The following NDUFB8 variants were observed in gnomAD, a reference collection of about 807,000 sequenced individuals.
NDUFB8 encodes NADH:ubiquinone oxidoreductase subunit B8, also known as NADH dehydrogenase [ubiquinone] 1 beta subcomplex subunit 8, mitochondrial.
A neutral mutation model predicts 26.0 loss-of-function variants in NDUFB8; 17 were observed. The observed-to-expected ratio is 0.65, with a 90% CI of 0.45 to 0.98. The LOEUF is 0.98. Among genes scored for constraint, NDUFB8 ranks in the 50% least tolerant of loss-of-function variants. The pLI is 0.00. For missense variants in NDUFB8, 238 were observed against 255.0 expected, an observed-to-expected ratio of 0.93 and a Z score of 0.45; for synonymous variants, 89 against 93.1, an observed-to-expected ratio of 0.96 and a Z score of 0.25.
intron 2 of NDUFB8, among the ~76,000 whole-genome samples, chr10:100,528,641 G>A (rs999213956): frequency 6.6e-6 from 1 of 152,194 alleles, no homozygotes; most frequent in Non-Finnish European, 1.5e-5. Context: ...GAACAAGGCT[G>A]CTCTTGTCCA....
upstream of NDUFB8, chr10:100,529,891 G>C (rs1239183047): frequency 6.3e-7 from 1 of 1,597,342 alleles, no homozygotes; most frequent in Non-Finnish European, 8.5e-7. Flanking sequence ...CATGCGCAAA[G>C]GCCTGTCACG....
Position 100,527,015 on chromosome 10 carries a change from C to G in NDUFB8, c.272G>C (p.Ser91Thr). Residue 91 changes from serine (S) to threonine (T), a missense_variant, in exon 3 of 5, where the codon AGC becomes ACC. By Grantham distance (58) the Ser-to-Thr change is moderately conservative. Transcript: ENST00000299166. ...RSQHERDPWY[S>T]WDQPGLRLNW... ...CAACCTCAGGCCCGGCTGGTCCCAG[C>G]TATACCATGGATCTCTCTCATGCTG... The G allele has an allele frequency of 6.2e-7, 1 of 1,614,180 alleles. No individual in the cohort carries two copies. Among genetic ancestry groups the G allele is most frequent in the East Asian group, 2.2e-5 (1 of 44,888 alleles).
rs375681068 is a variant in NDUFB8, at chr10:100,527,046, G to A, written c.241C>T (p.Arg81Cys). Residue 81 changes from arginine (R) to cysteine (C), a missense_variant, in exon 3 of 5, where the codon CGC (arginine) becomes TGC (cysteine). Coordinates refer to ENST00000299166, the MANE Select transcript of NDUFB8 (RefSeq NM_005004.4). ...CATGGATCTCTCTCATGCTGTGAGC[G>A]GTCAGGGAGCTTCGGGTAGTCGCCA... ...GYGDYPKLPDRSQHERDPWYS... is the reference protein window; with the variant it reads ...GYGDYPKLPDCSQHERDPWYS... The A allele has an allele frequency of 6.3e-5, 101 of 1,614,000 alleles. No homozygotes were observed. Among genetic ancestry groups the A allele is most frequent in the Middle Eastern group, 3.3e-4 (2 of 6,080 alleles).
chr10:100,526,016 G>C (rs1288832647), intron 4 of NDUFB8: 1 of 174,648 alleles, frequency 5.7e-6, no homozygotes, highest in African/African-American at 2.4e-5. Flanking sequence ...ATATACTACA[G>C]GACGTGCCCT....
intron 2 of NDUFB8, among the ~76,000 whole-genome samples, chr10:100,528,098 G>A (rs1267928135): frequency 2.0e-5 from 3 of 152,204 alleles, no homozygotes; most frequent in South Asian, 2.1e-4. Context: ...GATTACAGGC[G>A]TGAGCCACTG....
intron 4 of NDUFB8, among the ~76,000 whole-genome samples, chr10:100,525,874 C>T (rs779642011): frequency 1.1e-4 from 17 of 152,052 alleles, no homozygotes; most frequent in South Asian, 4.1e-4. Flanking sequence ...TATATCTGTT[C>T]AAATGTTGCT....
chr10:100,524,192 AAGGGAGGAAGAC>A lies in NDUFB8; in HGVS notation c.469-275_469-264del. On this transcript the variant is annotated intron_variant, in intron 4 of 4. Coordinates refer to ENST00000299166, the MANE Select transcript of NDUFB8 (RefSeq NM_005004.4). The surrounding 1 kb of genome is among the most constrained non-coding windows in gnomAD (Gnocchi z 4.0). ...GGAAGGGGGTTAGGGAAAGGAGGGG[AAGGGAGGAAGAC>A]AGGGAGGGAGGTAAAGAAAGAGAGA... The A allele has an allele frequency of 6.9e-7, 1 of 1,453,510 alleles. No homozygotes were observed. Among genetic ancestry groups the A allele is most frequent in the Non-Finnish European group, 9.5e-7 (1 of 1,055,996 alleles). The allele number at this position is 1,453,510 out of a possible 1,614,324, so 90.0% of individuals were successfully genotyped here. A position where few individuals can be genotyped will look rare whatever the true frequency, so the allele number is the denominator to read the frequency against.
chr10:100,528,704 T>C (rs1852092857), intron 2 of NDUFB8, among the ~76,000 whole-genome samples: 1 of 151,976 alleles, frequency 6.6e-6, no homozygotes, highest in Non-Finnish European at 1.5e-5. Context: ...CTACAGAAAA[T>C]GAGTGTATAA....
In NDUFB8 at chr10:100,523,897, GTACAGA is replaced by G; in HGVS notation, c.495_500del (p.Tyr167_Leu168del). 2 of 1,614,118 alleles carry G rather than the reference GTACAGA, an allele frequency of 1.2e-6. No homozygotes were observed. Among genetic ancestry groups the G allele is most frequent in the Non-Finnish European group, 8.5e-7 (1 of 1,180,022 alleles). On this transcript the variant is annotated inframe_deletion, in exon 5 of 5. Coordinates refer to ENST00000299166, the MANE Select transcript of NDUFB8 (RefSeq NM_005004.4). ...TGGAGGGATCACCGCCTCGTTCCAG[GTACAGA>G]TTATTGTAAGGATACTGCTTTGGTC...
At chr10:100,525,615 CGTGTGTGTGT>C (rs56705301) in intron 4 of NDUFB8, among the ~76,000 whole-genome samples, 9,751 of 100,040 alleles carry the variant, frequency 0.097, 696 homozygotes, top group African/African-American at 0.13. Context: ...CCACCCAAAG[CGTGTGTGTGT>C]GTGTGTGTGT....
intron 4 of NDUFB8, 144 bp downstream of exon 4, chr10:100,526,255 G>T: frequency 1.1e-6 from 1 of 929,414 alleles, no homozygotes; most frequent in Non-Finnish European, 1.5e-6. Context: ...CAGGCCAATG[G>T]GTCAAGGCCC....
At chr10:100,529,701 C>T (rs1275295116) in intron 1 of NDUFB8, 66 bp downstream of exon 1, 3 of 1,570,916 alleles carry the variant, frequency 1.9e-6, no homozygotes, top group Non-Finnish European at 2.6e-6. Context: ...CTACGATCCC[C>T]CCTCCCGATA....
rs1852113353 is a variant in NDUFB8 at position 100,529,514 on chromosome 10, G to T, written c.86-8C>A. The stretch of plus-strand genomic sequence containing the variant: ...CCTTGGTCATGTGGGAGGCTAGAAC[G>T]CAGAAGAGAACAGGTCAGAAGCGAG... On this transcript the variant is annotated splice_region_variant and splice_polypyrimidine_tract_variant and intron_variant, in intron 1 of 4. Coordinates refer to ENST00000299166, the MANE Select transcript of NDUFB8 (RefSeq NM_005004.4). The T allele has an allele frequency of 1.2e-6, 2 of 1,611,866 alleles. No individual in the cohort carries two copies. The highest frequency in any genetic ancestry group is 1.1e-5 in the South Asian group (1 of 90,928).
rs77403524 is a variant in NDUFB8 at position 100,525,125 on chromosome 10, G to A, written c.469-1196C>T. Among the ~76,000 whole-genome samples the A allele has an allele frequency of 3.8e-3, 571 of 152,238 alleles. 2 individuals carry two copies. Among genetic ancestry groups the A allele is most frequent in the African/African-American group, 0.012 (492 of 41,542 alleles). On this transcript the variant is annotated intron_variant, in intron 4 of 4. Transcript: ENST00000299166. ...CCCTACTGTGATGCTACTGAATTAG[G>A]AGCACCAAGAAGTGGGGCCTGGGAA...
chr10:100,524,254 C>A lies in NDUFB8; in HGVS notation c.469-325G>T. ...AAGAGTGTGTTAGAGTCAGAGGCAA[C>A]ACTTTCTAAATGAGACGATGCATCC... On this transcript the variant is annotated intron_variant, in intron 4 of 4. Coordinates refer to ENST00000299166, the MANE Select transcript of NDUFB8 (RefSeq NM_005004.4). This position sits in a 1 kb window ranked among gnomAD's most constrained non-coding sequence, Gnocchi z 4.0. The A allele has an allele frequency of 1.1e-6, 1 of 928,922 alleles. No homozygotes were observed. The highest frequency in any genetic ancestry group is 1.7e-6 in the Non-Finnish European group (1 of 589,726). 57.5% of individuals were successfully genotyped at this position (928,922 alleles called of 1,614,324 possible).
Position 100,524,184 on chromosome 10 carries a change from A to C in NDUFB8, c.469-255T>G. On this transcript the variant is annotated intron_variant, in intron 4 of 4. Transcript: ENST00000299166. The surrounding 1 kb of genome is among the most constrained non-coding windows in gnomAD (Gnocchi z 4.0). Reference sequence around the variant, plus strand: ...AGGGGGAGGGAAGGGGGTTAGGGAAAGGAGGGGAAGGGAGGAAGACAGGGA... The same window carrying C: ...AGGGGGAGGGAAGGGGGTTAGGGAACGGAGGGGAAGGGAGGAAGACAGGGA... The C allele has an allele frequency of 7.0e-7, 1 of 1,437,802 alleles. No homozygotes were observed. Among genetic ancestry groups the C allele is most frequent in the African/African-American group, 1.4e-5 (1 of 70,950 alleles). 89.1% of individuals were successfully genotyped at this position (1,437,802 alleles called of 1,614,324 possible).
chr10:100,528,240 C>G (rs1336338954), intron 2 of NDUFB8, among the ~76,000 whole-genome samples: 2 of 152,208 alleles, frequency 1.3e-5, no homozygotes, highest in Non-Finnish European at 2.9e-5. Context: ...TTTGTGGCCT[C>G]AGAGCAACAG....
Position 100,524,628 on chromosome 10 carries a change from C to T in NDUFB8, c.469-699G>A, listed in dbSNP as rs1419859731. Among the ~76,000 whole-genome samples, 1 of 152,146 alleles carries T rather than the reference C, an allele frequency of 6.6e-6. No individual in the cohort carries two copies. The highest frequency in any genetic ancestry group is 2.4e-5 in the African/African-American group (1 of 41,430). ...GCCCCTGGGGCTTGGTAGGAAGGCT[C>T]GTGTCAGTGCACACAGACATACCAG... On this transcript the variant is annotated intron_variant, in intron 4 of 4. Transcript: ENST00000299166. This position sits in a 1 kb window ranked among gnomAD's most constrained non-coding sequence, Gnocchi z 4.0.
chr10:100,526,505 G>C lies in NDUFB8; in HGVS notation c.362C>G (p.Pro121Arg), dbSNP rs1465760792. Residue 121 changes from proline to arginine, a missense_variant, in exon 4 of 5, where the codon CCC becomes CGC. Physicochemically the swap from Pro to Arg is moderately radical, Grantham distance 103 (BLOSUM62 -2). Transcript: ENST00000299166. ...CATGACATGCCAAGAAACAGGTGTG[G>C]GGGATGTATCCACACGGTTCCTGTT... Reference protein sequence around the residue: ...MYNRNRVDTSPTPVSWHVMCM... With the variant: ...MYNRNRVDTSRTPVSWHVMCM... 3 of 1,611,036 alleles carry C rather than the reference G, an allele frequency of 1.9e-6. No individual in the cohort carries two copies. Among genetic ancestry groups the C allele is most frequent in the Admixed American group, 3.4e-5 (2 of 58,816 alleles).
Sources: allele counts gnomAD v4.1 joint callset (sites outside exome capture counted in the v4.1 genomes callset), GRCh38; gene constraint gnomAD v4.1.1; non-coding constraint Gnocchi (gnomAD v3.1); transcripts MANE v1.5; gene names NCBI Gene and HGNC (gene_info 2026-07-23, HGNC 2026-07-21).